Variants in HIPK2 observed in about 807,000 individuals in gnomAD.
HIPK2 encodes the protein homeodomain-interacting protein kinase 2.
In HIPK2, 27 loss-of-function variants were observed where a neutral mutation model predicts 113.7. The observed-to-expected ratio is 0.24, with a 90% CI of 0.17 to 0.33. HIPK2 has a LOEUF of 0.33. Ranked by LOEUF, HIPK2 falls within the 10% of genes least tolerant of loss-of-function variation. The pLI is 1.00. For missense variants in HIPK2, 1,257 were observed against 1,588.0 expected (o/e 0.79, Z 3.54); for synonymous variants, 631 against 642.2 (o/e 0.98, Z 0.26).
intron 2 of HIPK2, among the ~76,000 whole-genome samples, chr7:139,692,524 C>T (rs955731032): frequency 6.6e-6 from 1 of 152,088 alleles, no homozygotes; most frequent in Non-Finnish European, 1.5e-5. Flanking sequence ...GAGGGGTGAC[C>T]GTGGCTCCCT....
intron 1 of HIPK2, among the ~76,000 whole-genome samples, chr7:139,721,207 G>T (rs956997309): frequency 1.3e-5 from 2 of 152,190 alleles, no homozygotes; most frequent in Non-Finnish European, 2.9e-5. Flanking sequence ...AGGCCACTTT[G>T]CTTCAGGCAG....
intron 14 of HIPK2, among the ~76,000 whole-genome samples, chr7:139,574,145 G>A (rs1452329909): frequency 6.6e-6 from 1 of 152,172 alleles, no homozygotes; most frequent in East Asian, 1.9e-4. Flanking sequence ...TCTTTGAGCA[G>A]CAGTTGCTTT....
chr7:139,663,545 C>T (rs1801940096), intron 2 of HIPK2, among the ~76,000 whole-genome samples: 1 of 152,114 alleles, frequency 6.6e-6, no homozygotes, highest in Admixed American at 6.6e-5. Context: ...GTATTCTATG[C>T]CAAACCATAT....
intron 2 of HIPK2, among the ~76,000 whole-genome samples, chr7:139,668,796 A>G (rs1802153533): frequency 6.6e-6 from 1 of 152,246 alleles, no homozygotes; most frequent in Non-Finnish European, 1.5e-5. Flanking sequence ...ATTGGATATT[A>G]GCTGTTCTAT....
intron 1 of HIPK2, among the ~76,000 whole-genome samples, chr7:139,748,306 G>A (rs1159676036): frequency 6.6e-6 from 1 of 152,062 alleles, no homozygotes; most frequent in African/African-American, 2.4e-5. Flanking sequence ...CTTTTCTTCT[G>A]GAATTTGTAA....
Position 139,630,256 on chromosome 7 carries a change from T to C in HIPK2, c.1347+909A>G, listed in dbSNP as rs1221421584. On this transcript the variant is annotated intron_variant, in intron 4 of 14. Transcript: ENST00000406875. This position sits in a 1 kb window ranked among gnomAD's most constrained non-coding sequence, Gnocchi z 4.0. ...CCCGGAGTTTCAGGTTTATGGTTAC[T>C]TGTGTGAACCAGACACCTCCCTGGG... Among the ~76,000 whole-genome samples, 1 of 152,158 alleles carries C rather than the reference T, an allele frequency of 6.6e-6. No homozygotes were observed. Among genetic ancestry groups the C allele is most frequent in the Non-Finnish European group, 1.5e-5 (1 of 68,020 alleles).
At chr7:139,728,502 A>G (rs1234994637) in intron 1 of HIPK2, among the ~76,000 whole-genome samples, 1 of 152,104 alleles carries the variant, frequency 6.6e-6, no homozygotes, top group African/African-American at 2.4e-5. Context: ...TCTTCACATC[A>G]TCTTCCCTCT....
At chr7:139,767,084 C>T (rs1435949571) in intron 1 of HIPK2, among the ~76,000 whole-genome samples, 3 of 152,168 alleles carry the variant, frequency 2.0e-5, no homozygotes, top group African/African-American at 7.2e-5. Context: ...TCTCTCACAT[C>T]CAAGAAAAGC....
In HIPK2 at chr7:139,562,852, T is replaced by A. The variant is rs551172233; in HGVS notation, c.*10075A>T. 1 of 152,264 alleles carries A rather than the reference T, an allele frequency of 6.6e-6. No individual in the cohort carries two copies. The highest frequency in any genetic ancestry group is 1.5e-5 in the Non-Finnish European group (1 of 68,054). The allele number at this position is 152,264 out of a possible 1,614,324, so 9.4% of individuals were successfully genotyped here. On this transcript the variant is annotated 3_prime_UTR_variant, in exon 15 of 15. Coordinates refer to ENST00000406875, the MANE Select transcript of HIPK2 (RefSeq NM_022740.5). ...CTCCTATCCAATTTGGTTTGATATA[T>A]ATACACAAACATATATATCAACATC...
intron 2 of HIPK2, among the ~76,000 whole-genome samples, chr7:139,644,319 AT>A (rs1207697887): frequency 6.6e-6 from 1 of 152,194 alleles, no homozygotes; most frequent in Non-Finnish European, 1.5e-5. Context: ...GCCCTGTGGT[AT>A]TTCCTCCCAT....
intron 1 of HIPK2, among the ~76,000 whole-genome samples, chr7:139,755,123 G>A (rs71543342): frequency 6.6e-6 from 1 of 152,162 alleles, no homozygotes; most frequent in South Asian, 2.1e-4. Context: ...ACTTGACTTA[G>A]GCACTGGCAC....
In HIPK2 at chr7:139,565,415, C is replaced by G. The variant is rs969742681; in HGVS notation, c.*7512G>C. 1 of 152,150 alleles carries G rather than the reference C, an allele frequency of 6.6e-6. No individual in the cohort carries two copies. Among genetic ancestry groups the G allele is most frequent in the East Asian group, 1.9e-4 (1 of 5,186 alleles). 9.4% of individuals were successfully genotyped at this position (152,150 alleles called of 1,614,324 possible). A position where few individuals can be genotyped will look rare whatever the true frequency, so the allele number is the denominator to read the frequency against. On this transcript the variant is annotated 3_prime_UTR_variant, in exon 15 of 15. Transcript: ENST00000406875. ...TTAAATGAAAAAAGGAACAAGAAAC[C>G]CACTCAAAACAACTGAACAAATATT...
Position 139,629,040 on chromosome 7 carries a change from C to G in HIPK2, c.1348-1G>C. 1 of 1,585,694 alleles carries G rather than the reference C, an allele frequency of 6.3e-7. No individual in the cohort carries two copies. ...TCTCTGCTTCATGGTCATCTGGTGT[C>G]TGTCAAGAGAGGCAAAAGCCAATTG... is the stretch of plus-strand genomic sequence containing the variant. On this transcript the variant is annotated splice_acceptor_variant, in intron 4 of 14. Transcript: ENST00000406875. LOFTEE classifies it high-confidence loss of function.
At chr7:139,746,325 C>G (rs1193502802) in intron 1 of HIPK2, among the ~76,000 whole-genome samples, 2 of 152,162 alleles carry the variant, frequency 1.3e-5, no homozygotes. Context: ...CTTCAAACCC[C>G]AGATCAAATG....
intron 6 of HIPK2, among the ~76,000 whole-genome samples, chr7:139,623,531 A>AG (rs932163846): frequency 5.4e-5 from 8 of 148,344 alleles, no homozygotes; most frequent in Non-Finnish European, 1.0e-4. Context: ...AAAAAAAAAA[A>AG]AAAAAAAGAA....
At chr7:139,639,938 G>A (rs1267705774) in intron 2 of HIPK2, among the ~76,000 whole-genome samples, 1 of 152,032 alleles carries the variant, frequency 6.6e-6, no homozygotes, top group African/African-American at 2.4e-5. Context: ...GCTTCCACAG[G>A]GGCTGTTCCT....
At chr7:139,645,888 C>T (rs1801201827) in intron 2 of HIPK2, among the ~76,000 whole-genome samples, 1 of 152,134 alleles carries the variant, frequency 6.6e-6, no homozygotes, top group African/African-American at 2.4e-5. Context: ...TTGGTTATTC[C>T]AGCAGGAGTT....
chr7:139,633,768 A>G (rs28737248), intron 2 of HIPK2, among the ~76,000 whole-genome samples: 24,555 of 151,826 alleles, frequency 0.16, 2,541 homozygotes, highest in African/African-American at 0.3. Context: ...AACATGGTGA[A>G]ACCCTGTCTC....
intron 1 of HIPK2, among the ~76,000 whole-genome samples, chr7:139,766,566 A>G (rs1796556176): frequency 6.6e-6 from 1 of 152,206 alleles, no homozygotes; most frequent in Non-Finnish European, 1.5e-5. Flanking sequence ...GGAGGATCCC[A>G]GATCCTTCTT....
Sources: allele counts gnomAD v4.1 joint callset (sites outside exome capture counted in the v4.1 genomes callset), GRCh38; gene constraint gnomAD v4.1.1; non-coding constraint Gnocchi (gnomAD v3.1); transcripts MANE v1.5; gene names NCBI Gene and HGNC (gene_info 2026-07-23, HGNC 2026-07-21).